The following MCM9 variants were observed in gnomAD, a reference collection of about 807,000 sequenced individuals.
MCM9 encodes the protein DNA helicase MCM9.
In MCM9, 55 loss-of-function variants were observed where a neutral mutation model predicts 72.8. The observed-to-expected ratio is 0.76, with a 90% confidence interval of 0.61 to 0.95. The LOEUF (loss-of-function observed/expected upper bound fraction) is 0.95, where lower values mean the gene tolerates loss of function less well. Among genes scored for constraint, MCM9 ranks in the 40% least tolerant of loss-of-function variants. The probability of loss-of-function intolerance (pLI) is 0.00; values close to 1 mark genes in which losing one functional copy is unlikely to be tolerated. For synonymous variants in MCM9, 480 were observed against 503.4 expected (o/e 0.95, Z 0.62); for missense variants, 1,279 against 1,377.0 (o/e 0.93, Z 1.13).
At chr6:118,858,354 ACTT>A (rs1776695618) in intron 8 of MCM9, among the ~76,000 whole-genome samples, 1 of 152,000 alleles carries the variant, frequency 6.6e-6, no homozygotes, top group South Asian at 2.1e-4. Flanking sequence ...ACGGAAGAGA[ACTT>A]CTTCAACTTG....
intron 8 of MCM9, among the ~76,000 whole-genome samples, chr6:118,893,869 A>G (rs1779126156): frequency 2.0e-5 from 3 of 149,334 alleles, no homozygotes; most frequent in Admixed American, 2.0e-4. Context: ...AAAAAACGCC[A>G]AAACACCCAC....
At chr6:118,871,240 C>T (rs1445163521) in intron 8 of MCM9, among the ~76,000 whole-genome samples, 3 of 152,136 alleles carry the variant, frequency 2.0e-5, no homozygotes, top group Non-Finnish European at 4.4e-5. Flanking sequence ...AAAAGAATCA[C>T]TCACCATATT....
intron 8 of MCM9, among the ~76,000 whole-genome samples, chr6:118,880,591 C>A (rs1778225094): frequency 6.6e-6 from 1 of 152,102 alleles, no homozygotes; most frequent in African/African-American, 2.4e-5. Context: ...TCCTTGAATG[C>A]AAAAGACAGA....
At chr6:118,930,677 G>A (rs539144075) in intron 3 of MCM9, among the ~76,000 whole-genome samples, 4 of 152,278 alleles carry the variant, frequency 2.6e-5, no homozygotes, top group African/African-American at 9.6e-5. Context: ...AGTCTCCCAG[G>A]TTAGGCGTGT....
Position 118,843,683 on chromosome 6 carries a change from T to C in MCM9, c.1325+12688A>G, listed in dbSNP as rs1205709358. On this transcript the variant is annotated intron_variant, in intron 9 of 13. Transcript: ENST00000619706. ...GTATATATATATGTATGTATATATA[T>C]ATGTGTATATATATATATATGTATG... is the stretch of plus-strand genomic sequence containing the variant. Among the ~76,000 whole-genome samples, 20 of 82,562 alleles carry C rather than the reference T, an allele frequency of 2.4e-4. 1 individual carries two copies. Among genetic ancestry groups the C allele is most frequent in the Admixed American group, 9.2e-4 (6 of 6,542 alleles). The allele number at this position is 82,562 out of a possible 152,430, so 54.2% of individuals were successfully genotyped here.
intron 8 of MCM9, among the ~76,000 whole-genome samples, chr6:118,896,628 G>A (rs954568291): frequency 6.6e-6 from 1 of 152,104 alleles, no homozygotes; most frequent in African/African-American, 2.4e-5. Flanking sequence ...CACCATTACT[G>A]AGCATTTATT....
At chr6:118,894,053 A>G (rs144606482) in intron 8 of MCM9, 72,121 of 1,054,480 alleles carry the variant, frequency 0.068, 2,562 homozygotes, top group South Asian at 0.083. Flanking sequence ...GTCCTAATCC[A>G]CACCAGCAGG....
At chr6:118,829,843 T>C (rs960354805) in intron 9 of MCM9, among the ~76,000 whole-genome samples, 10 of 152,048 alleles carry the variant, frequency 6.6e-5, no homozygotes, top group African/African-American at 2.2e-4. Flanking sequence ...CTCATTTTGT[T>C]TTGATTTTTT....
At chr6:118,927,976 A>G (rs1397216977) in intron 3 of MCM9, among the ~76,000 whole-genome samples, 3 of 152,194 alleles carry the variant, frequency 2.0e-5, no homozygotes, top group Non-Finnish European at 4.4e-5. Flanking sequence ...GGACTGGACT[A>G]TAGGGCCTTT....
Position 118,894,347 on chromosome 6 carries a change from G to A in MCM9, c.1150+17303C>T. Reference sequence around the variant, plus strand: ...GCGGGGGTCTGCGCTCTCCCGAGCGGCCGCGCGCTGGACTTTATTGTGCCG... The same window carrying A: ...GCGGGGGTCTGCGCTCTCCCGAGCGACCGCGCGCTGGACTTTATTGTGCCG... On this transcript the variant is annotated intron_variant, in intron 8 of 13. Transcript: ENST00000619706. The A allele has an allele frequency of 2.0e-6, 3 of 1,531,832 alleles. No homozygotes were observed. The Admixed American group carries it at 5.9e-5, about 30-fold the overall frequency. The allele number at this position is 1,531,832 out of a possible 1,614,324, so 94.9% of individuals were successfully genotyped here. A position where few individuals can be genotyped will look rare whatever the true frequency, so the allele number is the denominator to read the frequency against.
intron 8 of MCM9, among the ~76,000 whole-genome samples, chr6:118,891,341 G>A (rs1778927863): frequency 6.6e-6 from 1 of 152,144 alleles, no homozygotes; most frequent in African/African-American, 2.4e-5. Flanking sequence ...GCTCAAATAA[G>A]CTTAATTCTG....
chr6:118,930,369 C>G (rs1335295832), intron 3 of MCM9, among the ~76,000 whole-genome samples: 1 of 152,142 alleles, frequency 6.6e-6, no homozygotes, highest in Admixed American at 6.5e-5. Flanking sequence ...GCCTTGGCCT[C>G]CCAAAGTGCT....
intron 8 of MCM9, chr6:118,894,646 A>G (rs1329017212): frequency 2.4e-6 from 2 of 832,710 alleles, no homozygotes; most frequent in Non-Finnish European, 3.7e-6. Context: ...TGCTCTGCGG[A>G]GGGAAACTTG....
At chr6:118,875,573 C>A (rs759924325) in intron 8 of MCM9, among the ~76,000 whole-genome samples, 1 of 151,672 alleles carries the variant, frequency 6.6e-6, no homozygotes, top group South Asian at 2.1e-4. Context: ...GAGGTCAAGG[C>A]TGCAGTGAGC....
intron 13 of MCM9, among the ~76,000 whole-genome samples, chr6:118,816,655 C>G (rs564172367): frequency 6.6e-6 from 1 of 152,328 alleles, no homozygotes; most frequent in Admixed American, 6.5e-5. Flanking sequence ...TGTTCAAATA[C>G]AAGACAGACC....
intron 8 of MCM9, chr6:118,893,983 G>C (rs1387539687): frequency 7.3e-6 from 7 of 963,796 alleles, no homozygotes; most frequent in Non-Finnish European, 8.6e-6. Flanking sequence ...CCGCGCCGCC[G>C]CCGGCGGCCT....
rs566472366 is a variant in MCM9 at position 118,836,332 on chromosome 6, T to G, written c.1326-7082A>C. Among the ~76,000 whole-genome samples, 4 of 152,270 alleles carry G rather than the reference T, an allele frequency of 2.6e-5. No homozygotes were observed. In the East Asian group the frequency reaches 7.7e-4, roughly 29 times the overall value. ...TTCTTTTCTTGTTGTCTCTGCCAGG[T>G]TTTGATAGCAGAATGATGCTGGCCT... On this transcript the variant is annotated intron_variant, in intron 9 of 13. Transcript: ENST00000619706.
chr6:118,922,880 G>C (rs1273895271), intron 4 of MCM9, among the ~76,000 whole-genome samples: 1 of 151,750 alleles, frequency 6.6e-6, no homozygotes, highest in African/African-American at 2.4e-5. Context: ...TAAAAATACA[G>C]AATTAGCCAG....
intron 9 of MCM9, among the ~76,000 whole-genome samples, chr6:118,841,639 C>T (rs1775372911): frequency 6.6e-6 from 1 of 152,134 alleles, no homozygotes; most frequent in Admixed American, 6.5e-5. Flanking sequence ...TAGATCTGTG[C>T]CCTGGCCCTT....
Sources: gnomAD v4.1 joint callset for allele counts (sites outside exome capture counted in the v4.1 genomes callset) on GRCh38, gnomAD v4.1.1 for gene constraint, MANE v1.5 for transcripts, NCBI Gene and HGNC (gene_info 2026-07-23, HGNC 2026-07-21) for gene names.